Variants in KIF5B observed in about 807,000 individuals in gnomAD.
KIF5B encodes the protein kinesin-1 heavy chain.
In KIF5B, 49 loss-of-function variants were observed where a neutral mutation model predicts 132.8. The observed-to-expected ratio is 0.37, with a 90% CI of 0.29 to 0.47. The LOEUF (loss-of-function observed/expected upper bound fraction) is 0.47. Among genes scored for constraint, KIF5B ranks in the 20% least tolerant of loss-of-function variants. The pLI is 1.00. For missense variants in KIF5B, 780 were observed against 1,144.0 expected, an observed-to-expected ratio of 0.68 and a Z score of 4.59; for synonymous variants, 355 against 369.4, an observed-to-expected ratio of 0.96 and a Z score of 0.45.
chr10:32,039,784 T>G (rs7910262), intron 3 of KIF5B, among the ~76,000 whole-genome samples: 1 of 152,206 alleles, frequency 6.6e-6, no homozygotes, highest in Non-Finnish European at 1.5e-5. Context: ...AATACTAGGA[T>G]GTCCTTGTTC....
chr10:32,054,568 A>AT (rs1204090085), intron 1 of KIF5B, among the ~76,000 whole-genome samples: 1 of 152,216 alleles, frequency 6.6e-6, no homozygotes, highest in Non-Finnish European at 1.5e-5. Context: ...TCCATGTCCC[A>AT]TCTCCTGTGA....
chr10:32,040,565 T>A, intron 2 of KIF5B, 108 bp from the exon 3 acceptor site: 1 of 645,678 alleles, frequency 1.5e-6, no homozygotes, highest in Non-Finnish European at 2.7e-6. Flanking sequence ...AAAAAAAAAA[T>A]TACTTAATGT....
rs1841760231 is a variant in KIF5B at position 32,056,133 on chromosome 10, G to A, written c.-160C>T. ...CCGGGTGGAGGCGGCCGGGGAGCCG[G>A]GACTTGAAGAGCCGGCGCCGGCAGC... On this transcript the variant is annotated 5_prime_UTR_variant, in exon 1 of 26. Transcript: ENST00000302418. 2 of 795,290 alleles carry A rather than the reference G, an allele frequency of 2.5e-6. No homozygotes were observed. Among genetic ancestry groups the A allele is most frequent in the Non-Finnish European group, 3.8e-6 (2 of 524,546 alleles). The allele number at this position is 795,290 out of a possible 1,614,324, so 49.3% of individuals were successfully genotyped here. A position where few individuals can be genotyped will look rare whatever the true frequency, so the allele number is the denominator to read the frequency against.
chr10:32,027,278 T>G (rs1399120860), intron 15 of KIF5B, among the ~76,000 whole-genome samples: 2 of 152,184 alleles, frequency 1.3e-5, no homozygotes, highest in Admixed American at 1.3e-4. Flanking sequence ...CATACAAATC[T>G]TTCATGTTAT....
chr10:32,028,526 T>C lies in KIF5B; in HGVS notation c.1627A>G (p.Met543Val), dbSNP rs148844791. The part of the protein sequence containing the change: ...IDAELQKLKE[M>V]TNHQKKRAAE... ...GCTCGTTTTTTCTGGTGGTTGGTCA[T>C]TTCCTTAAGTTTCTGAAGCTCAGCA... Residue 543 changes from methionine (M) to valine (V), a missense_variant, in exon 15 of 26, where the codon ATG becomes GTG. By Grantham distance (21) the Met-to-Val change is conservative. Coordinates refer to ENST00000302418, the MANE Select transcript of KIF5B (RefSeq NM_004521.3). 160 of 1,613,878 alleles carry C rather than the reference T, an allele frequency of 9.9e-5. No homozygotes were observed. Among genetic ancestry groups the C allele is most frequent in the Non-Finnish European group, 1.3e-4 (153 of 1,179,898 alleles).
chr10:32,036,655 T>C (rs1841463237), intron 8 of KIF5B, among the ~76,000 whole-genome samples: 1 of 152,256 alleles, frequency 6.6e-6, no homozygotes, highest in African/African-American at 2.4e-5. Context: ...TTAGGAGATT[T>C]CTCAGATTAG....
Position 32,017,373 on chromosome 10 carries a change from A to G in KIF5B, c.2545-14T>C. The stretch of plus-strand genomic sequence containing the variant: ...ATCACGTACCAACTAAACGTACACA[A>G]AGAAAACAAGGATTCCAGATTTAAC... On this transcript the variant is annotated splice_polypyrimidine_tract_variant and intron_variant, in intron 23 of 25. Coordinates refer to ENST00000302418, the MANE Select transcript of KIF5B (RefSeq NM_004521.3). The G allele has an allele frequency of 6.3e-7, 1 of 1,595,896 alleles. No individual in the cohort carries two copies. The highest frequency in any genetic ancestry group is 8.6e-7 in the Non-Finnish European group (1 of 1,165,666).
Position 32,040,917 on chromosome 10 carries a change from G to A in KIF5B, c.215-460C>T, listed in dbSNP as rs941479437. On this transcript the variant is annotated intron_variant, in intron 2 of 25. Coordinates refer to ENST00000302418, the MANE Select transcript of KIF5B (RefSeq NM_004521.3). Reference sequence around the variant, plus strand: ...GCAGGAGAATTGCCTGAACCGGGCAGGTGGAGGTTGCAGTGAGCCGAGATC... The same window carrying A: ...GCAGGAGAATTGCCTGAACCGGGCAAGTGGAGGTTGCAGTGAGCCGAGATC... 5.9e-5 allele frequency among the ~76,000 whole-genome samples: 9 copies of A among 151,738 alleles called. 3 individuals are homozygous for A. Among genetic ancestry groups the A allele is most frequent in the Admixed American group, 5.9e-4 (9 of 15,240 alleles).
intron 2 of KIF5B, among the ~76,000 whole-genome samples, chr10:32,040,987 C>CAA (rs140467980): frequency 3.9e-5 from 4 of 101,322 alleles, no homozygotes; most frequent in African/African-American, 1.1e-4. Context: ...GACACCATCT[C>CAA]AAAAAAAAAA....
chr10:32,041,355 T>C (rs1841536804), intron 2 of KIF5B, among the ~76,000 whole-genome samples: 1 of 152,188 alleles, frequency 6.6e-6, no homozygotes, highest in African/African-American at 2.4e-5. Flanking sequence ...CTGTGGTTAA[T>C]TAAGAAACAA....
intron 21 of KIF5B, 47 bp downstream of exon 21, chr10:32,018,455 A>C (rs756970838): frequency 6.3e-7 from 1 of 1,591,890 alleles, no homozygotes; most frequent in Admixed American, 1.8e-5. Context: ...GGTAGAAAAA[A>C]CCCACAAAAT....
chr10:32,015,127 A>G (rs1203147210), intron 25 of KIF5B, among the ~76,000 whole-genome samples: 1 of 152,110 alleles, frequency 6.6e-6, no homozygotes, highest in East Asian at 1.9e-4. Flanking sequence ...CATCTCAAAA[A>G]GAAAAAGAAA....
chr10:32,018,546 G>A lies in KIF5B; in HGVS notation c.2323C>T (p.Arg775Ter). The A allele has an allele frequency of 3.7e-6, 6 of 1,612,132 alleles. No individual in the cohort carries two copies. The highest frequency in any genetic ancestry group is 1.3e-5 in the African/African-American group (1 of 74,836). Residue 775 changes from arginine to a stop codon, truncating the protein, a stop_gained, in exon 21 of 26, where the codon CGA becomes TGA. Coordinates refer to ENST00000302418, the MANE Select transcript of KIF5B (RefSeq NM_004521.3). LOFTEE classifies it high-confidence loss of function. ...LHELTVMQDR[R>*]EQARQDLKGL... The stretch of plus-strand genomic sequence containing the variant: ...TTCAAGTCTTGTCTTGCTTGTTCTC[G>A]TCTATCTTGCATAACCCTAACAGTA...
intron 15 of KIF5B, 68 bp downstream of exon 15, chr10:32,028,360 T>G (rs1841358858): frequency 1.6e-5 from 20 of 1,258,378 alleles, no homozygotes; most frequent in Non-Finnish European, 2.2e-5. Flanking sequence ...CTTTACAAAC[T>G]ATTAGTAGTA....
intron 14 of KIF5B, among the ~76,000 whole-genome samples, chr10:32,030,334 T>C (rs536296865): frequency 1.2e-4 from 19 of 152,024 alleles, no homozygotes; most frequent in Non-Finnish European, 1.9e-4. Context: ...CTGGCCAACA[T>C]GGTGAAACCC....
chr10:32,035,475 C>A (rs774278731), intron 10 of KIF5B, 47 bp downstream of exon 10: 85 of 1,527,468 alleles, frequency 5.6e-5, no homozygotes, highest in Non-Finnish European at 4.7e-5. Flanking sequence ...ATTTTATAAA[C>A]AAAAGGTCTA....
chr10:32,021,794 A>G (rs896113402), intron 17 of KIF5B, among the ~76,000 whole-genome samples: 2 of 152,084 alleles, frequency 1.3e-5, no homozygotes, highest in African/African-American at 4.8e-5. Context: ...AACACGGTGA[A>G]GCCCTGTCTC....
rs1019708972 is a variant in KIF5B, at chr10:32,056,225, G to T, written c.-252C>A. 6.4e-6 allele frequency: 3 copies of T among 470,400 alleles called. No individual in the cohort carries two copies. The highest frequency in any genetic ancestry group is 1.1e-5 in the Non-Finnish European group (3 of 268,344). The allele number at this position is 470,400 out of a possible 1,614,324, so 29.1% of individuals were successfully genotyped here. On this transcript the variant is annotated 5_prime_UTR_variant, in exon 1 of 26. Coordinates refer to ENST00000302418, the MANE Select transcript of KIF5B (RefSeq NM_004521.3). ...TGGCGGCGGCAGCGGCGGCGGCACC[G>T]GGGAGAGCGTCCGCGGCTCCTCAGC...
At chr10:32,035,698 A>C (rs753391022) in intron 9 of KIF5B, 31 bp from the exon 10 acceptor site, 15 of 1,574,682 alleles carry the variant, frequency 9.5e-6, no homozygotes, top group Non-Finnish European at 1.3e-5. Context: ...AGAAAACAAG[A>C]CCAGTATAAT....
Sources: allele counts gnomAD v4.1 joint callset (sites outside exome capture counted in the v4.1 genomes callset), GRCh38; gene constraint gnomAD v4.1.1; transcripts MANE v1.5; gene names NCBI Gene and HGNC (gene_info 2026-07-23, HGNC 2026-07-21).